PSD3: variants seen among roughly 807,000 people sequenced by gnomAD.
The protein encoded by PSD3 is pleckstrin and Sec7 domain containing 3, also known as PH and SEC7 domain-containing protein 3.
In PSD3, 49 loss-of-function variants were observed where a neutral mutation model predicts 105.5. That is an observed-to-expected ratio of 0.46 (90% CI 0.37 to 0.59). The LOEUF is 0.59. PSD3 is among the 20% of genes least tolerant of loss of function. The probability of loss-of-function intolerance (pLI) is 0.00; values close to 1 mark genes in which losing one functional copy is unlikely to be tolerated. For missense variants in PSD3, 1,561 were observed against 1,263.8 expected, an observed-to-expected ratio of 1.24 and a Z score of -3.57; for synonymous variants, 557 against 457.8, an observed-to-expected ratio of 1.22 and a Z score of -2.77.
chr8:19,082,245 CA>C (rs1482047659), intron 1 of PSD3, among the ~76,000 whole-genome samples: 1 of 152,146 alleles, frequency 6.6e-6, no homozygotes, highest in Non-Finnish European at 1.5e-5. Flanking sequence ...GCTAACTTCC[CA>C]ACTCCTCTCT....
intron 1 of PSD3, among the ~76,000 whole-genome samples, chr8:18,974,688 A>G (rs576678545): frequency 1.4e-4 from 22 of 152,074 alleles, no homozygotes; most frequent in African/African-American, 5.1e-4. Flanking sequence ...AAAAAAACAA[A>G]AAACAGTGAA....
At chr8:18,791,826 A>G (rs537933003) in intron 8 of PSD3, among the ~76,000 whole-genome samples, 1 of 152,358 alleles carries the variant, frequency 6.6e-6, no homozygotes, top group Non-Finnish European at 1.5e-5. Flanking sequence ...TAATTTATCC[A>G]TCTGACAATG....
Position 18,752,586 on chromosome 8 carries a change from TTATATATTATATATTA to T in PSD3, c.2172+12847_2172+12862del, listed in dbSNP as rs1350569907. Among the ~76,000 whole-genome samples, 962 of 77,978 alleles carry T rather than the reference TTATATATTATATATTA, an allele frequency of 0.012. 35 individuals carry two copies. The East Asian group carries it at 0.12, about 10-fold the overall frequency. The allele number at this position is 77,978 out of a possible 152,430, so 51.2% of individuals were successfully genotyped here. A position where few individuals can be genotyped will look rare whatever the true frequency, so the allele number is the denominator to read the frequency against. The stretch of plus-strand genomic sequence containing the variant: ...TATATTATATATATAATTATATATA[TTATATATTATATATTA>T]TATATAATACATATAATATATATTA... On this transcript the variant is annotated intron_variant, in intron 9 of 15. Transcript: ENST00000327040.
At chr8:18,904,319 C>A (rs925631305) in intron 2 of PSD3, among the ~76,000 whole-genome samples, 1 of 152,336 alleles carries the variant, frequency 6.6e-6, no homozygotes, top group Non-Finnish European at 1.5e-5. Context: ...GATTGTACAG[C>A]CACTGCCAGT....
chr8:18,684,658 A>G (rs1034406722), intron 9 of PSD3, among the ~76,000 whole-genome samples: 1 of 152,254 alleles, frequency 6.6e-6, no homozygotes, highest in Admixed American at 6.5e-5. Context: ...CGACAGCCAG[A>G]TATTTCAAGA....
chr8:18,536,879 C>T (rs912575900), intron 15 of PSD3, among the ~76,000 whole-genome samples: 2 of 152,148 alleles, frequency 1.3e-5, no homozygotes, highest in African/African-American at 2.4e-5. Flanking sequence ...CACCATCCTG[C>T]CTCAACGCAT....
chr8:19,030,294 C>A (rs1407040732), intron 1 of PSD3, among the ~76,000 whole-genome samples: 3 of 152,016 alleles, frequency 2.0e-5, no homozygotes, highest in African/African-American at 7.3e-5. Context: ...AATGTTAAAC[C>A]AAATTTACAT....
chr8:18,925,312 T>C (rs907892754), intron 2 of PSD3, among the ~76,000 whole-genome samples: 1 of 152,084 alleles, frequency 6.6e-6, no homozygotes, highest in South Asian at 2.1e-4. Flanking sequence ...GGAGGCTCAC[T>C]TGAGCCCAGG....
At chr8:18,920,080 G>C (rs771307815) in intron 2 of PSD3, among the ~76,000 whole-genome samples, 12 of 145,552 alleles carry the variant, frequency 8.2e-5, no homozygotes, top group Non-Finnish European at 1.2e-4. Context: ...ATTTCCTAGA[G>C]AACTACTAAA....
At chr8:18,727,928 T>C (rs770098614) in intron 9 of PSD3, among the ~76,000 whole-genome samples, 3 of 152,160 alleles carry the variant, frequency 2.0e-5, no homozygotes, top group Non-Finnish European at 2.9e-5. Context: ...CCCATTTTTA[T>C]CCATTTAGTC....
intron 1 of PSD3, among the ~76,000 whole-genome samples, chr8:18,970,250 G>A (rs536958729): frequency 1.1e-4 from 16 of 148,086 alleles, no homozygotes; most frequent in African/African-American, 3.2e-4. Flanking sequence ...GCATGAACCC[G>A]GGAGGCGGAG....
intron 2 of PSD3, among the ~76,000 whole-genome samples, chr8:18,906,024 A>G (rs1819825287): frequency 1.3e-5 from 2 of 152,238 alleles, no homozygotes; most frequent in South Asian, 4.1e-4. Context: ...AGATTATTTT[A>G]TAGTAAACAT....
chr8:19,065,953 T>C (rs142160614), intron 1 of PSD3, among the ~76,000 whole-genome samples: 52 of 152,200 alleles, frequency 3.4e-4, no homozygotes, highest in Middle Eastern at 3.4e-3. Flanking sequence ...CTTGTTAGCA[T>C]ACAAAAAGAC....
intron 12 of PSD3, among the ~76,000 whole-genome samples, 191 bp downstream of exon 12, chr8:18,600,173 T>G (rs530818041): frequency 1.2e-4 from 19 of 152,326 alleles, no homozygotes; most frequent in African/African-American, 4.6e-4. Flanking sequence ...ATTACGCTAC[T>G]GAGAACAGCA....
intron 9 of PSD3, among the ~76,000 whole-genome samples, chr8:18,706,034 G>GTCCC (rs1209134379): frequency 6.6e-6 from 1 of 152,138 alleles, no homozygotes; most frequent in Admixed American, 6.5e-5. Context: ...TAGGGCCCAT[G>GTCCC]TCCCATTCCA....
intron 4 of PSD3, among the ~76,000 whole-genome samples, chr8:18,840,435 A>C (rs906175230): frequency 6.6e-6 from 1 of 152,220 alleles, no homozygotes; most frequent in African/African-American, 2.4e-5. Context: ...TTTCAGTGGG[A>C]TCTATCATGA....
At chr8:18,892,425 A>G (rs190966389) in intron 2 of PSD3, among the ~76,000 whole-genome samples, 80 of 151,262 alleles carry the variant, frequency 5.3e-4, no homozygotes, top group Non-Finnish European at 9.1e-4. Context: ...GAGTTTCACC[A>G]TGTTAGCCAG....
chr8:19,018,811 T>C (rs766310732), intron 1 of PSD3, among the ~76,000 whole-genome samples: 1 of 152,182 alleles, frequency 6.6e-6, no homozygotes, highest in Non-Finnish European at 1.5e-5. Context: ...TTCTTTTCTG[T>C]TTTGAGACAG....
intron 9 of PSD3, among the ~76,000 whole-genome samples, chr8:18,665,866 A>T (rs934494707): frequency 9.9e-5 from 15 of 152,160 alleles, no homozygotes; most frequent in African/African-American, 3.6e-4. Context: ...ACAAACAAAC[A>T]AAACTAATGA....
Sources: gnomAD v4.1 joint callset for allele counts (sites outside exome capture counted in the v4.1 genomes callset) on GRCh38, gnomAD v4.1.1 for gene constraint, MANE v1.5 for transcripts, NCBI Gene and HGNC (gene_info 2026-07-23, HGNC 2026-07-21) for gene names.